Variants in GAS2 observed in about 807,000 individuals in gnomAD.
The protein encoded by GAS2 is growth arrest-specific protein 2.
A neutral mutation model predicts 37.5 loss-of-function variants in GAS2; 20 were observed. That is an observed-to-expected ratio of 0.53 (90% CI 0.37 to 0.77). GAS2 has a LOEUF of 0.77. GAS2 is among the 30% of genes least tolerant of loss of function. GAS2 has a pLI of 0.00. For synonymous variants in GAS2, 144 were observed against 132.2 expected (o/e 1.09, Z -0.61); for missense variants, 336 against 373.4 (o/e 0.90, Z 0.82).
At chr11:22,707,044 G>C (rs1393739859) in intron 3 of GAS2, among the ~76,000 whole-genome samples, 1 of 152,072 alleles carries the variant, frequency 6.6e-6, no homozygotes, top group Non-Finnish European at 1.5e-5. Flanking sequence ...GTGTGAGATG[G>C]TATCTCATTG....
At chr11:22,706,378 C>A (rs1349249442) in intron 3 of GAS2, among the ~76,000 whole-genome samples, 1 of 151,630 alleles carries the variant, frequency 6.6e-6, no homozygotes, top group African/African-American at 2.4e-5. Context: ...TACATGTGCA[C>A]ATTGTGCAGG....
intron 1 of GAS2, among the ~76,000 whole-genome samples, chr11:22,635,372 T>A (rs1858807785): frequency 6.6e-6 from 1 of 152,108 alleles, no homozygotes; most frequent in Non-Finnish European, 1.5e-5. Context: ...TGCAGAAGAA[T>A]CCATATGGTG....
chr11:22,753,329 A>G (rs891835228), intron 6 of GAS2, among the ~76,000 whole-genome samples: 5 of 152,070 alleles, frequency 3.3e-5, no homozygotes, highest in African/African-American at 1.2e-4. Context: ...ATACAACTAC[A>G]AAAACAGCCC....
At chr11:22,673,841 A>G (rs768767552) in intron 1 of GAS2, among the ~76,000 whole-genome samples, 6 of 152,230 alleles carry the variant, frequency 3.9e-5, no homozygotes, top group Non-Finnish European at 8.8e-5. Flanking sequence ...TGCACTGCTC[A>G]CAATATGATC....
intron 7 of GAS2, among the ~76,000 whole-genome samples, chr11:22,790,748 C>T (rs193015739): frequency 6.6e-6 from 1 of 152,108 alleles, no homozygotes; most frequent in Admixed American, 6.5e-5. Context: ...CAGGCGTGAG[C>T]CACCACACCC....
intron 7 of GAS2, among the ~76,000 whole-genome samples, chr11:22,785,885 A>C (rs1855797214): frequency 6.6e-6 from 1 of 152,120 alleles, no homozygotes; most frequent in Non-Finnish European, 1.5e-5. Context: ...ACATATTGGC[A>C]CATTCAGAAA....
intron 7 of GAS2, among the ~76,000 whole-genome samples, chr11:22,761,743 G>A (rs529174689): frequency 3.9e-5 from 6 of 152,204 alleles, no homozygotes; most frequent in Admixed American, 6.5e-5. Flanking sequence ...TGTGGAAAAT[G>A]TTGTTGCCAT....
chr11:22,745,244 T>C (rs7949705), intron 5 of GAS2, among the ~76,000 whole-genome samples: 2,095 of 151,794 alleles, frequency 0.014, 55 homozygotes, highest in African/African-American at 0.048. Context: ...ACCAAAACAG[T>C]GTGGTACTGG....
At chr11:22,663,237 T>C (rs1261106110), upstream of GAS2, among the ~76,000 whole-genome samples, 1 of 151,816 alleles carries the variant, frequency 6.6e-6, no homozygotes. Flanking sequence ...CTCTCAACAT[T>C]TGGGGATTAC....
At chr11:22,688,762 A>G (rs1348776107) in intron 3 of GAS2, among the ~76,000 whole-genome samples, 1 of 152,192 alleles carries the variant, frequency 6.6e-6, no homozygotes, top group African/African-American at 2.4e-5. Context: ...TTTTAGTATA[A>G]AACCTTAAAT....
chr11:22,645,231 C>T (rs1848675463), intron 1 of GAS2, among the ~76,000 whole-genome samples: 1 of 151,594 alleles, frequency 6.6e-6, no homozygotes, highest in Non-Finnish European at 1.5e-5. Context: ...TATATATGGC[C>T]GGGTGGGGTG....
intron 4 of GAS2, among the ~76,000 whole-genome samples, chr11:22,737,120 A>T (rs1427215157): frequency 6.6e-6 from 1 of 152,188 alleles, no homozygotes; most frequent in African/African-American, 2.4e-5. Flanking sequence ...GTCATTTGAA[A>T]TTGTTTCTTT....
At chr11:22,710,415 T>C (rs1022996090) in intron 3 of GAS2, among the ~76,000 whole-genome samples, 8 of 152,070 alleles carry the variant, frequency 5.3e-5, no homozygotes, top group African/African-American at 1.9e-4. Flanking sequence ...TGATAAATTA[T>C]GATGTCATGG....
At chr11:22,663,324 G>T (rs138480011), upstream of GAS2, among the ~76,000 whole-genome samples, 1 of 151,840 alleles carries the variant, frequency 6.6e-6, no homozygotes, top group Non-Finnish European at 1.5e-5. Context: ...CACCTACCGT[G>T]ACACTGAGAT....
rs937925050 is a variant in GAS2 at position 22,646,879 on chromosome 11, CTTTCTTTCTT to C, written c.-21+21078_-21+21087del. ...TCTCATTTGTGCTTGCTTGCTTTCT[CTTTCTTTCTT>C]TTTCTTTCTTTCCTTCTTTCTTTCT... On this transcript the variant is annotated intron_variant, in intron 1 of 5. Transcript: ENST00000528582. 5.3e-5 allele frequency among the ~76,000 whole-genome samples: 8 copies of C among 150,988 alleles called. No individual in the cohort carries two copies. In the East Asian group the frequency reaches 5.8e-4, roughly 11 times the overall value.
chr11:22,784,125 G>C (rs1249434751), intron 7 of GAS2, among the ~76,000 whole-genome samples: 1 of 152,022 alleles, frequency 6.6e-6, no homozygotes, highest in Non-Finnish European at 1.5e-5. Flanking sequence ...TTGGCTATTT[G>C]GACTCATTTT....
At chr11:22,627,774 CAAA>C (rs111643774) in intron 1 of GAS2, among the ~76,000 whole-genome samples, 8 of 74,478 alleles carry the variant, frequency 1.1e-4, no homozygotes, top group Admixed American at 4.8e-4. Flanking sequence ...GACTCCATCT[CAAA>C]AAAAAAAAAA....
At chr11:22,739,247 G>A (rs1478247817) in intron 5 of GAS2, among the ~76,000 whole-genome samples, 4 of 152,130 alleles carry the variant, frequency 2.6e-5, no homozygotes, top group Non-Finnish European at 4.4e-5. Flanking sequence ...CTTAAGTCAA[G>A]TGAAAACCAA....
At chr11:22,668,817 G>A (rs1001553109) in intron 1 of GAS2, among the ~76,000 whole-genome samples, 1 of 152,166 alleles carries the variant, frequency 6.6e-6, no homozygotes, top group Non-Finnish European at 1.5e-5. Flanking sequence ...AGAGACTTTT[G>A]TTTAAAACTG....
Sources: gnomAD v4.1 joint callset for allele counts (sites outside exome capture counted in the v4.1 genomes callset) on GRCh38, gnomAD v4.1.1 for gene constraint, MANE v1.5 for transcripts, NCBI Gene and HGNC (gene_info 2026-07-23, HGNC 2026-07-21) for gene names.